Variants in LRRC7 observed in about 807,000 individuals in gnomAD.
LRRC7 encodes leucine-rich repeat-containing protein 7.
A neutral mutation model predicts 175.7 loss-of-function variants in LRRC7; 23 were observed. The observed-to-expected ratio is 0.13, with a 90% confidence interval of 0.09 to 0.19. LRRC7 has a LOEUF of 0.19. LRRC7 is among the 10% of genes least tolerant of loss of function. The pLI, the probability that LRRC7 is intolerant of heterozygous loss-of-function variation, is 1.00. For synonymous variants in LRRC7, 685 were observed against 680.9 expected (o/e 1.01, Z -0.09); for missense variants, 1,354 against 1,904.7 (o/e 0.71, Z 5.38).
At chr1:69,795,513 T>C (rs1675636111) in intron 4 of LRRC7, among the ~76,000 whole-genome samples, 1 of 152,098 alleles carries the variant, frequency 6.6e-6, no homozygotes, top group African/African-American at 2.4e-5. Context: ...AGAATCACAG[T>C]TGACAAGGTT....
chr1:69,922,109 G>C (rs1479843064), intron 7 of LRRC7, among the ~76,000 whole-genome samples: 1 of 148,834 alleles, frequency 6.7e-6, no homozygotes, highest in Non-Finnish European at 1.5e-5. Context: ...TATTTTTAGA[G>C]AGACGGGGGT....
chr1:69,603,673 CT>C, intron 1 of LRRC7, among the ~76,000 whole-genome samples: 1 of 152,130 alleles, frequency 6.6e-6, no homozygotes, highest in East Asian at 1.9e-4. Context: ...GAAATTCTTA[CT>C]TTAATTATTG....
intron 7 of LRRC7, among the ~76,000 whole-genome samples, chr1:69,929,394 C>G (rs777960755): frequency 2.6e-5 from 4 of 152,328 alleles, no homozygotes; most frequent in Non-Finnish European, 5.9e-5. Flanking sequence ...CCCTGCTCCA[C>G]TTGGTCTTCC....
At position 69,964,379 on chromosome 1, in the gene LRRC7, C is replaced by T. The variant is rs145069326; in HGVS notation, c.712-16000C>T. Reference sequence around the variant, plus strand: ...CAAGATAAGTCACACAACAAGTAAGCGACAAAGCCTGGATCTGAACTCAGT... The same window carrying T: ...CAAGATAAGTCACACAACAAGTAAGTGACAAAGCCTGGATCTGAACTCAGT... On this transcript the variant is annotated intron_variant, in intron 8 of 26. Transcript: ENST00000651989. 4.3e-4 allele frequency among the ~76,000 whole-genome samples: 65 copies of T among 152,212 alleles called. 1 individual carries two copies. The highest frequency in any genetic ancestry group is 6.8e-3 in the Middle Eastern group (2 of 294).
chr1:69,931,103 A>G (rs183901150), intron 7 of LRRC7, among the ~76,000 whole-genome samples: 4 of 152,288 alleles, frequency 2.6e-5, no homozygotes, highest in Non-Finnish European at 5.9e-5. Flanking sequence ...AGAAAATAAT[A>G]AGACTGATGA....
intron 25 of LRRC7, among the ~76,000 whole-genome samples, chr1:70,105,548 G>A (rs1202315290): frequency 6.6e-6 from 1 of 152,094 alleles, no homozygotes; most frequent in Non-Finnish European, 1.5e-5. Context: ...CACACACATT[G>A]TTTTATAACC....
intron 7 of LRRC7, among the ~76,000 whole-genome samples, chr1:69,930,365 A>G (rs764653280): frequency 4.6e-5 from 7 of 152,198 alleles, no homozygotes; most frequent in South Asian, 4.1e-4. Context: ...TAAAAGCCCT[A>G]TAAGGTAATT....
intron 2 of LRRC7, among the ~76,000 whole-genome samples, chr1:69,697,736 G>A (rs777206622): frequency 3.3e-5 from 5 of 152,170 alleles, no homozygotes; most frequent in Non-Finnish European, 7.3e-5. Flanking sequence ...CCCTAGTTTC[G>A]CTAAAAATGT....
At chr1:69,623,012 G>A (rs148118649) in intron 1 of LRRC7, among the ~76,000 whole-genome samples, 7 of 152,214 alleles carry the variant, frequency 4.6e-5, no homozygotes, top group African/African-American at 1.7e-4. Context: ...GTCTACTGCT[G>A]GGGATGTTCA....
Position 70,143,918 on chromosome 1 carries a change from G to GT in LRRC7, c.*22032dup, listed in dbSNP as rs1667194241. 6.6e-6 allele frequency: 1 copy of GT among 152,138 alleles called. No homozygotes were observed. Among genetic ancestry groups the GT allele is most frequent in the Non-Finnish European group, 1.5e-5 (1 of 68,020 alleles). 9.4% of individuals were successfully genotyped at this position (152,138 alleles called of 1,614,324 possible). ...CTTTTTAGTTGAACTACATATTGAT[G>GT]TAAATAAAACTGAATGAAGACATAT... On this transcript the variant is annotated 3_prime_UTR_variant, in exon 27 of 27. Coordinates refer to ENST00000651989, the MANE Select transcript of LRRC7 (RefSeq NM_001370785.2).
chr1:69,651,548 G>T (rs115276742), intron 1 of LRRC7, among the ~76,000 whole-genome samples: 6 of 152,226 alleles, frequency 3.9e-5, no homozygotes, highest in African/African-American at 1.4e-4. Context: ...GACATAATAA[G>T]AAGTCCTAGC....
At chr1:69,842,495 C>CATGAA (rs1681837486) in intron 7 of LRRC7, among the ~76,000 whole-genome samples, 2 of 152,096 alleles carry the variant, frequency 1.3e-5, no homozygotes, top group African/African-American at 4.8e-5. Flanking sequence ...TCTCCTGATG[C>CATGAA]ACAAGGCATG....
chr1:70,006,365 G>A (rs1282263814), intron 11 of LRRC7, among the ~76,000 whole-genome samples: 4 of 151,762 alleles, frequency 2.6e-5, no homozygotes, highest in African/African-American at 9.7e-5. Context: ...CCAGCTACTG[G>A]GGAGGCTGAG....
chr1:69,603,459 T>C (rs908076679), intron 1 of LRRC7, among the ~76,000 whole-genome samples: 12 of 152,316 alleles, frequency 7.9e-5, no homozygotes, highest in African/African-American at 2.9e-4. Context: ...TAATTTAGTA[T>C]GTTATCGTTG....
intron 3 of LRRC7, among the ~76,000 whole-genome samples, chr1:69,781,733 AAGAG>A (rs755676231): frequency 0.024 from 559 of 23,522 alleles, 85 homozygotes; most frequent in African/African-American, 0.041. Context: ...GAAAGAAAGA[AAGAG>A]AGAGAGAGAG....
intron 7 of LRRC7, among the ~76,000 whole-genome samples, chr1:69,916,068 A>ATATATAATATATATATTATATACATATTT (rs1646682305): frequency 1.8e-5 from 2 of 112,954 alleles, no homozygotes; most frequent in African/African-American, 3.6e-5. Context: ...TGTATATTTT[A>ATATATAATATATATATTATATACATATTT]TATATATAAT....
intron 7 of LRRC7, among the ~76,000 whole-genome samples, chr1:69,870,283 G>A (rs1685391212): frequency 6.6e-6 from 1 of 152,106 alleles, no homozygotes; most frequent in Admixed American, 6.6e-5. Context: ...AGGTGTGGAA[G>A]AGGAGGTAGC....
intron 1 of LRRC7, among the ~76,000 whole-genome samples, chr1:69,586,544 G>A (rs1055785336): frequency 2.0e-5 from 3 of 152,128 alleles, no homozygotes; most frequent in Middle Eastern, 3.4e-3. Context: ...GCAGCTGAGG[G>A]CCTCTCTGTT....
At chr1:69,825,600 GT>G (rs1679815262) in intron 4 of LRRC7, 147 bp from the exon 5 acceptor site, 4 of 381,886 alleles carry the variant, frequency 1.0e-5, no homozygotes, top group Non-Finnish European at 1.9e-5. Context: ...ATGTTATTAA[GT>G]TTTTATTTCT....
Sources: allele counts gnomAD v4.1 joint callset (sites outside exome capture counted in the v4.1 genomes callset), GRCh38; gene constraint gnomAD v4.1.1; transcripts MANE v1.5; gene names NCBI Gene and HGNC (gene_info 2026-07-23, HGNC 2026-07-21).